The following MKRN1 variants were observed in gnomAD, a reference collection of about 807,000 sequenced individuals.
MKRN1 encodes makorin ring finger protein 1.
Under a neutral mutation model 55.5 loss-of-function variants are expected in MKRN1, and 9 were observed. That is an observed-to-expected ratio of 0.16 (90% CI 0.10 to 0.28). The LOEUF is 0.28. MKRN1 is among the 10% of genes least tolerant of loss of function. The pLI, the probability that MKRN1 is intolerant of heterozygous loss-of-function variation, is 1.00. For synonymous variants in MKRN1, 253 were observed against 235.9 expected, an observed-to-expected ratio of 1.07 and a Z score of -0.66; for missense variants, 488 against 626.7, an observed-to-expected ratio of 0.78 and a Z score of 2.36.
Position 140,459,800 on chromosome 7 carries a change from A to C in MKRN1, c.451T>G (p.Ser151Ala). ...LVEMNTGEAE[S>A]RNSNFATVGA... ...ACAGTTGCAAAGTTTGAATTTCTTG[A>C]CTCAGCTTCGCCTGTATTCATTTCA... is the stretch of plus-strand genomic sequence containing the variant. Residue 151 changes from serine to alanine, a missense_variant, in exon 3 of 8, where the codon TCA becomes GCA. By Grantham distance (99) the Ser-to-Ala change is moderately conservative. Transcript: ENST00000255977. The C allele has an allele frequency of 6.2e-7, 1 of 1,613,888 alleles. No homozygotes were observed. The highest frequency in any genetic ancestry group is 8.5e-7 in the Non-Finnish European group (1 of 1,179,850).
At chr7:140,464,077 C>A (rs1487792652) in intron 2 of MKRN1, among the ~76,000 whole-genome samples, 1 of 151,956 alleles carries the variant, frequency 6.6e-6, no homozygotes, top group Non-Finnish European at 1.5e-5. Flanking sequence ...CACCACCAAG[C>A]CCAGCTAATT....
chr7:140,455,585 T>C (rs978817673), intron 6 of MKRN1: 4 of 580,530 alleles, frequency 6.9e-6, no homozygotes, highest in Non-Finnish European at 1.2e-5. Context: ...GACCTCTTTA[T>C]AACACAGTCC....
chr7:140,455,765 T>A (rs1479227698), intron 6 of MKRN1, 25 bp downstream of exon 6: 3 of 1,567,998 alleles, frequency 1.9e-6, no homozygotes, highest in Non-Finnish European at 2.6e-6. Context: ...GCTCTTCGCT[T>A]GAGAAAAGGC....
chr7:140,463,014 C>T (rs183577062), intron 2 of MKRN1, among the ~76,000 whole-genome samples: 99 of 152,296 alleles, frequency 6.5e-4, no homozygotes, highest in African/African-American at 2.1e-3. Context: ...AATCCCAGCA[C>T]TCTGGGAGGC....
At chr7:140,478,120 A>G (rs1325314312) in intron 1 of MKRN1, 1 of 152,236 alleles carries the variant, frequency 6.6e-6, no homozygotes, top group Non-Finnish European at 1.5e-5. Context: ...CTAATTAGGA[A>G]TCATTTTTAC....
chr7:140,479,141 C>T lies in MKRN1; in HGVS notation c.185+19G>A. ...CGGCCCCCTCCCCGCGCCCGGCGCT[C>T]CGCCGCGCAACGTCCTACCTGCAGG... On this transcript the variant is annotated intron_variant, in intron 1 of 7. Coordinates refer to ENST00000255977, the MANE Select transcript of MKRN1 (RefSeq NM_013446.4). 14 of 1,319,652 alleles carry T rather than the reference C, an allele frequency of 1.1e-5. No individual in the cohort carries two copies. Among genetic ancestry groups the T allele is most frequent in the African/African-American group, 1.5e-5 (1 of 64,872 alleles). 81.7% of individuals were successfully genotyped at this position (1,319,652 alleles called of 1,614,324 possible).
At chr7:140,474,037 G>GA (rs1377920780) in intron 1 of MKRN1, among the ~76,000 whole-genome samples, 1 of 83,468 alleles carries the variant, frequency 1.2e-5, no homozygotes, top group African/African-American at 1.8e-4. Flanking sequence ...AAGAAAGAAA[G>GA]AAAGAAAGAA....
chr7:140,461,434 G>C (rs1363406141), intron 2 of MKRN1, among the ~76,000 whole-genome samples: 1 of 152,140 alleles, frequency 6.6e-6, no homozygotes, highest in East Asian at 1.9e-4. Context: ...CTTAAGGCCA[G>C]GAGTGTAAGA....
Position 140,466,979 on chromosome 7 carries a change from C to CT in MKRN1, c.314+4903dup, listed in dbSNP as rs371673846. On this transcript the variant is annotated intron_variant, in intron 2 of 7. Coordinates refer to ENST00000255977, the MANE Select transcript of MKRN1 (RefSeq NM_013446.4). ...CAATTAAGGTTCCTTTCAACTTTTTCTTTTTTTTTTTTTTTGAGACAGAGT... is the reference window on the plus strand; with the variant it reads ...CAATTAAGGTTCCTTTCAACTTTTTCTTTTTTTTTTTTTTTTGAGACAGAGT... Among the ~76,000 whole-genome samples the CT allele has an allele frequency of 5.7e-3, 809 of 142,396 alleles. 8 individuals carry two copies. The highest frequency in any genetic ancestry group is 0.03 in the South Asian group (130 of 4,328). 93.4% of individuals were successfully genotyped at this position (142,396 alleles called of 152,430 possible).
intron 2 of MKRN1, among the ~76,000 whole-genome samples, chr7:140,471,355 C>A (rs1167750483): frequency 6.6e-6 from 1 of 151,902 alleles, no homozygotes; most frequent in Non-Finnish European, 1.5e-5. Flanking sequence ...CCAGCCTGGG[C>A]AACACAGTAA....
Position 140,455,208 on chromosome 7 carries a change from C to T in MKRN1, c.1123G>A (p.Glu375Lys). ...CCAAATGGGCAGCTCCCACGTCCTT[C>T]ATCAAAATACCTGCACGCCTTGTTG... is the stretch of plus-strand genomic sequence containing the variant. Reference protein sequence around the residue: ...MSNKACRYFDEGRGSCPFGGN... With the variant: ...MSNKACRYFDKGRGSCPFGGN... The change falls in exon 7 of 8, where the codon GAA becomes AAA. Residue 375 changes from glutamate to lysine, a missense_variant. Around this residue, in one of 2 missense-constraint regions of MKRN1, gnomAD observed 278 missense variants for 406.7 expected, o/e 0.68. Transcript: ENST00000255977. 6.2e-7 allele frequency: 1 copy of T among 1,614,136 alleles called. No homozygotes were observed. Among genetic ancestry groups the T allele is most frequent in the Non-Finnish European group, 8.5e-7 (1 of 1,180,034 alleles).
intron 4 of MKRN1, 106 bp downstream of exon 4, chr7:140,458,901 A>G (rs1585466924): frequency 8.3e-7 from 1 of 1,210,078 alleles, no homozygotes; most frequent in Non-Finnish European, 1.2e-6. Flanking sequence ...CTCACTGATA[A>G]CCATTCAATT....
At chr7:140,476,540 GTT>G (rs1795122479) in intron 1 of MKRN1, among the ~76,000 whole-genome samples, 1 of 132,426 alleles carries the variant, frequency 7.6e-6, no homozygotes, top group African/African-American at 3.5e-5. Flanking sequence ...TAATTTACAA[GTT>G]TTGTTTTTTT....
intron 2 of MKRN1, among the ~76,000 whole-genome samples, chr7:140,470,500 G>A (rs1360174160): frequency 1.3e-5 from 2 of 150,750 alleles, no homozygotes; most frequent in African/African-American, 4.9e-5. Context: ...CAGGAGAATC[G>A]CTTGAACCCA....
intron 6 of MKRN1, chr7:140,455,588 C>T (rs1033567787): frequency 1.7e-6 from 1 of 581,842 alleles, no homozygotes; most frequent in Non-Finnish European, 3.0e-6. Context: ...CTCTTTATAA[C>T]ACAGTCCCTT....
chr7:140,464,698 T>G (rs1216807286), intron 2 of MKRN1, among the ~76,000 whole-genome samples: 1 of 151,302 alleles, frequency 6.6e-6, no homozygotes, highest in East Asian at 1.9e-4. Context: ...AGAGTGAAAC[T>G]CAGTCTCAAA....
rs116896510 is a variant in MKRN1 at position 140,469,778 on chromosome 7, G to A, written c.314+2105C>T. On this transcript the variant is annotated intron_variant, in intron 2 of 7. Transcript: ENST00000255977. ...AAATACAAAAGTTAGTGGGGTGTGG[G>A]CCGGGCGCGGTGGCTCATGCCTACA... 5.3e-5 allele frequency among the ~76,000 whole-genome samples: 8 copies of A among 152,096 alleles called. No individual in the cohort carries two copies. The East Asian group carries it at 1.6e-3, about 30-fold the overall frequency.
intron 4 of MKRN1, 174 bp from the exon 5 acceptor site, chr7:140,457,040 T>TTTTG (rs146223954): frequency 4.5e-6 from 3 of 672,186 alleles, no homozygotes; most frequent in African/African-American, 3.6e-5. Context: ...GGTGTTTTTT[T>TTTTG]TTTGTTTGTT....
intron 6 of MKRN1, chr7:140,455,500 A>G: frequency 1.8e-6 from 1 of 568,064 alleles, no homozygotes; most frequent in Non-Finnish European, 3.1e-6. Flanking sequence ...AACACATGAG[A>G]ACATAGGACA....
Sources: allele counts gnomAD v4.1 joint callset (sites outside exome capture counted in the v4.1 genomes callset), GRCh38; gene constraint gnomAD v4.1.1; regional missense constraint gnomAD v4.1.1; transcripts MANE v1.5; gene names NCBI Gene and HGNC (gene_info 2026-07-23, HGNC 2026-07-21).